The following MDFIC2 variants were observed in gnomAD, a reference collection of about 807,000 sequenced individuals.
MDFIC2 encodes MyoD family inhibitor domain containing 2, also known as myoD family inhibitor domain-containing protein 2.
At chr3:70,238,121 A>G (rs981436946) in intron 2 of MDFIC2, among the ~76,000 whole-genome samples, 4 of 151,286 alleles carry the variant, frequency 2.6e-5, no homozygotes, top group African/African-American at 9.7e-5. Flanking sequence ...CAGACATATG[A>G]TAGCCAGAGT....
intron 2 of MDFIC2, among the ~76,000 whole-genome samples, chr3:70,290,991 C>T (rs1385468656): frequency 6.6e-6 from 1 of 152,168 alleles, no homozygotes; most frequent in East Asian, 1.9e-4. Flanking sequence ...CCCGGTACCT[C>T]AGATGGAAAT....
intron 2 of MDFIC2, among the ~76,000 whole-genome samples, chr3:70,268,397 C>A (rs756812452): frequency 1.3e-5 from 2 of 148,240 alleles, no homozygotes; most frequent in Non-Finnish European, 3.0e-5. Flanking sequence ...ATCACTTGAA[C>A]CCGGGAGGCG....
chr3:70,305,252 A>G (rs2106704919), intron 2 of MDFIC2, among the ~76,000 whole-genome samples: 1 of 152,328 alleles, frequency 6.6e-6, no homozygotes, highest in East Asian at 1.9e-4. Flanking sequence ...CTTAAAAACA[A>G]AACTACTTTC....
chr3:70,290,346 G>C (rs1268691935), intron 2 of MDFIC2, among the ~76,000 whole-genome samples: 2 of 152,134 alleles, frequency 1.3e-5, no homozygotes, highest in African/African-American at 2.4e-5. Context: ...GCCCCTGTTG[G>C]GGGGTGCCTC....
At chr3:70,283,138 T>C (rs116624782) in intron 2 of MDFIC2, among the ~76,000 whole-genome samples, 233 of 152,240 alleles carry the variant, frequency 1.5e-3, no homozygotes, top group African/African-American at 5.3e-3. Context: ...TATCTTGACA[T>C]CAACAGTAGC....
chr3:70,309,492 G>A (rs1310571076), intron 2 of MDFIC2, among the ~76,000 whole-genome samples: 2 of 152,116 alleles, frequency 1.3e-5, no homozygotes, highest in South Asian at 2.1e-4. Context: ...CATAAAGCAA[G>A]CATTCTAGTC....
intron 2 of MDFIC2, among the ~76,000 whole-genome samples, chr3:70,282,311 C>G (rs140145254): frequency 1.3e-5 from 2 of 152,282 alleles, no homozygotes; most frequent in East Asian, 3.9e-4. Flanking sequence ...GAAGATGTAT[C>G]CACCACATGG....
At chr3:70,294,522 A>G (rs1262233490) in intron 2 of MDFIC2, among the ~76,000 whole-genome samples, 1 of 152,208 alleles carries the variant, frequency 6.6e-6, no homozygotes, top group Admixed American at 6.5e-5. Context: ...GGAAAAAAGT[A>G]AAATAATAAT....
intron 3 of MDFIC2, among the ~76,000 whole-genome samples, chr3:70,202,986 C>G (rs1363304600): frequency 4.6e-5 from 7 of 152,100 alleles, no homozygotes; most frequent in African/African-American, 1.7e-4. Context: ...AACTTTGGGT[C>G]TTGTCACCTT....
intron 2 of MDFIC2, among the ~76,000 whole-genome samples, chr3:70,244,370 T>C (rs1172536330): frequency 6.6e-6 from 1 of 152,212 alleles, no homozygotes; most frequent in African/African-American, 2.4e-5. Flanking sequence ...TCTATTATAT[T>C]TAATGGCAGT....
chr3:70,309,206 T>A (rs1702434390), intron 2 of MDFIC2, among the ~76,000 whole-genome samples: 1 of 152,140 alleles, frequency 6.6e-6, no homozygotes, highest in African/African-American at 2.4e-5. Flanking sequence ...GAGATTCAAT[T>A]TGCCACTTAA....
intron 2 of MDFIC2, chr3:70,291,836 C>T (rs1702242370): frequency 6.6e-6 from 1 of 152,292 alleles, no homozygotes; most frequent in Non-Finnish European, 1.5e-5. Context: ...TCAAGATGTG[C>T]TGTCTGGTGA....
intron 2 of MDFIC2, among the ~76,000 whole-genome samples, chr3:70,241,199 T>C (rs1701665173): frequency 2.0e-5 from 3 of 152,158 alleles, no homozygotes; most frequent in Admixed American, 1.3e-4. Flanking sequence ...GAACGGTTCC[T>C]CATAAATATT....
At chr3:70,222,313 G>A (rs556629135) in intron 2 of MDFIC2, among the ~76,000 whole-genome samples, 1 of 152,184 alleles carries the variant, frequency 6.6e-6, no homozygotes, top group African/African-American at 2.4e-5. Context: ...AAGTTCTTCT[G>A]TGTTACCATG....
intron 2 of MDFIC2, chr3:70,292,084 T>C (rs1356085240): frequency 6.6e-6 from 1 of 152,194 alleles, no homozygotes; most frequent in Non-Finnish European, 1.5e-5. Flanking sequence ...CCTTTATGAA[T>C]ACTTTATGTA....
At chr3:70,235,873 A>T (rs1332444923) in intron 2 of MDFIC2, among the ~76,000 whole-genome samples, 5 of 152,322 alleles carry the variant, frequency 3.3e-5, no homozygotes, top group African/African-American at 1.2e-4. Context: ...AAGACAATAC[A>T]TGTTCATTAA....
At chr3:70,237,558 T>C (rs1371763791) in intron 2 of MDFIC2, among the ~76,000 whole-genome samples, 2 of 152,240 alleles carry the variant, frequency 1.3e-5, no homozygotes, top group Non-Finnish European at 1.5e-5. Context: ...ACTCTTCTTC[T>C]TCAATCATTC....
intron 3 of MDFIC2, among the ~76,000 whole-genome samples, chr3:70,198,970 A>G (rs1041433007): frequency 6.6e-6 from 1 of 152,206 alleles, no homozygotes; most frequent in East Asian, 1.9e-4. Context: ...ATACAACCTC[A>G]TCGAGTTTTA....
intron 2 of MDFIC2, among the ~76,000 whole-genome samples, chr3:70,230,649 C>T (rs150911991): frequency 6.6e-6 from 1 of 152,240 alleles, no homozygotes; most frequent in East Asian, 1.9e-4. Context: ...AGTTGAGCTG[C>T]AATGACAGCA....
Sources: allele counts gnomAD v4.1 joint callset (sites outside exome capture counted in the v4.1 genomes callset), GRCh38; gene constraint gnomAD v4.1.1; transcripts MANE v1.5; gene names NCBI Gene and HGNC (gene_info 2026-07-23, HGNC 2026-07-21).